RAD51B: variants seen among roughly 807,000 people sequenced by gnomAD.
RAD51B encodes DNA repair protein RAD51 homolog 2.
RAD51B carries 38 observed loss-of-function variants against 42.2 expected under a neutral mutation model. The observed-to-expected ratio is 0.90, with a 90% CI of 0.70 to 1.18. The LOEUF (loss-of-function observed/expected upper bound fraction) is 1.18. Among genes scored for constraint, RAD51B ranks in the 50% most tolerant of loss-of-function variants. The pLI is 0.00. For missense variants in RAD51B, 373 were observed against 400.7 expected (o/e 0.93, Z 0.59); for synonymous variants, 154 against 145.2 (o/e 1.06, Z -0.43).
At chr14:68,025,685 A>G (rs867623987) in intron 7 of RAD51B, among the ~76,000 whole-genome samples, 1 of 151,804 alleles carries the variant, frequency 6.6e-6, no homozygotes, top group African/African-American at 2.4e-5. Context: ...GTAGTCTCTG[A>G]GGATCTTTCG....
chr14:67,929,722 T>G (rs2044655668), intron 7 of RAD51B, among the ~76,000 whole-genome samples: 2 of 152,170 alleles, frequency 1.3e-5, no homozygotes. Flanking sequence ...TTTCTTTAGA[T>G]CTAGTAATAC....
chr14:67,969,766 T>A (rs188584687), intron 7 of RAD51B, among the ~76,000 whole-genome samples: 78 of 152,278 alleles, frequency 5.1e-4, no homozygotes, highest in African/African-American at 1.8e-3. Context: ...TGAAGCATAT[T>A]TATAATGATC....
chr14:68,401,932 T>C (rs1204910343), intron 8 of RAD51B, among the ~76,000 whole-genome samples: 5 of 152,220 alleles, frequency 3.3e-5, no homozygotes, highest in African/African-American at 9.6e-5. Context: ...CCTGAGCCAT[T>C]GCAGCTGATG....
intron 7 of RAD51B, among the ~76,000 whole-genome samples, chr14:68,207,508 A>C (rs564981187): frequency 3.3e-5 from 5 of 152,202 alleles, no homozygotes. Flanking sequence ...TTAGGAGAAA[A>C]TACATCTAGA....
intron 7 of RAD51B, among the ~76,000 whole-genome samples, chr14:68,077,959 T>C (rs2076859743): frequency 6.6e-6 from 1 of 152,062 alleles, no homozygotes; most frequent in African/African-American, 2.4e-5. Context: ...ATCTCAAAAA[T>C]ATAAAAAATA....
At chr14:68,296,405 C>G (rs73290285) in intron 8 of RAD51B, among the ~76,000 whole-genome samples, 4,224 of 152,246 alleles carry the variant, frequency 0.028, 197 homozygotes, top group African/African-American at 0.095. Flanking sequence ...GTTATTGTGA[C>G]TGTTGTGTGG....
intron 7 of RAD51B, among the ~76,000 whole-genome samples, chr14:68,212,092 A>C (rs2079722107): frequency 6.6e-6 from 1 of 152,252 alleles, no homozygotes; most frequent in African/African-American, 2.4e-5. Flanking sequence ...GGAAGGCATC[A>C]TGCCTAAGTC....
chr14:68,084,962 T>C (rs948798072), intron 7 of RAD51B, among the ~76,000 whole-genome samples: 5 of 152,224 alleles, frequency 3.3e-5, no homozygotes, highest in Non-Finnish European at 7.3e-5. Flanking sequence ...AGTGGAATTA[T>C]AAGAAATTTT....
chr14:68,377,150 G>A (rs1046919942), intron 8 of RAD51B, among the ~76,000 whole-genome samples: 1 of 152,158 alleles, frequency 6.6e-6, no homozygotes, highest in Admixed American at 6.5e-5. Flanking sequence ...TTTACTTGTG[G>A]TTGTCTAAAA....
chr14:67,865,052 G>A lies in RAD51B; in HGVS notation c.365G>A (p.Ser122Asn). Residue 122 changes from serine to asparagine, a missense_variant, in exon 5 of 11, where the codon AGC (serine) becomes AAC (asparagine). Coordinates refer to ENST00000471583, the MANE Select transcript of RAD51B (RefSeq NM_133510.4). ...CGKTQFCIMM[S>N]ILATLPTNMG... ...AAAACTCAGTTTTGTATAATGATGA[G>A]CATTTTGGCTACATTACCCACCAAC... The A allele has an allele frequency of 1.4e-6, 2 of 1,448,484 alleles. No homozygotes were observed. Among genetic ancestry groups the A allele is most frequent in the Middle Eastern group, 1.9e-4 (1 of 5,140 alleles). The allele number at this position is 1,448,484 out of a possible 1,614,324, so 89.7% of individuals were successfully genotyped here. A position where few individuals can be genotyped will look rare whatever the true frequency, so the allele number is the denominator to read the frequency against.
intron 7 of RAD51B, among the ~76,000 whole-genome samples, chr14:68,280,394 A>G (rs2081298380): frequency 6.6e-6 from 1 of 152,174 alleles, no homozygotes; most frequent in South Asian, 2.1e-4. Flanking sequence ...TTTTTATGTG[A>G]TAGACTAGAG....
At chr14:68,324,408 A>G (rs903239830) in intron 8 of RAD51B, among the ~76,000 whole-genome samples, 8 of 152,122 alleles carry the variant, frequency 5.3e-5, no homozygotes, top group African/African-American at 1.9e-4. Flanking sequence ...CTTTCCCAAT[A>G]AACTGTATGC....
In RAD51B at chr14:67,960,175, T is replaced by C. The variant is rs546763886; in HGVS notation, c.756+72971T>C. On this transcript the variant is annotated intron_variant, in intron 7 of 10. Transcript: ENST00000471583. ...ACGTTCTATGTTAAGTGTATAAATA[T>C]ACTACTTGACAGAAATAATACTGTT... Among the ~76,000 whole-genome samples the C allele has an allele frequency of 3.3e-5, 5 of 152,258 alleles. No homozygotes were observed. In the East Asian group the frequency reaches 7.7e-4, roughly 23 times the overall value.
chr14:67,939,306 G>A (rs983223853), intron 7 of RAD51B, among the ~76,000 whole-genome samples: 2 of 152,076 alleles, frequency 1.3e-5, no homozygotes, highest in Non-Finnish European at 2.9e-5. Context: ...TGTAATATGT[G>A]TCATCTTACT....
At chr14:68,148,361 A>G (rs1431818810) in intron 7 of RAD51B, among the ~76,000 whole-genome samples, 4 of 152,214 alleles carry the variant, frequency 2.6e-5, no homozygotes, top group African/African-American at 9.6e-5. Flanking sequence ...TGGAATCACT[A>G]GATTATAGGA....
chr14:68,114,734 C>A (rs1324920093), intron 7 of RAD51B, among the ~76,000 whole-genome samples: 1 of 152,094 alleles, frequency 6.6e-6, no homozygotes, highest in African/African-American at 2.4e-5. Context: ...GATGTGAGAT[C>A]ATCTGCCAGA....
chr14:67,920,131 G>A (rs917001668), intron 7 of RAD51B, among the ~76,000 whole-genome samples: 1 of 151,990 alleles, frequency 6.6e-6, no homozygotes, highest in South Asian at 2.1e-4. Flanking sequence ...GACTAGAGCG[G>A]TACAAAGGAA....
intron 7 of RAD51B, among the ~76,000 whole-genome samples, chr14:67,993,834 A>C (rs1018479130): frequency 6.6e-6 from 1 of 152,142 alleles, no homozygotes; most frequent in Non-Finnish European, 1.5e-5. Flanking sequence ...TCTCTAGTAA[A>C]CAATTATTAC....
At chr14:68,637,854 G>A (rs1401284601) in intron 10 of RAD51B, among the ~76,000 whole-genome samples, 2 of 152,182 alleles carry the variant, frequency 1.3e-5, no homozygotes, top group African/African-American at 4.8e-5. Context: ...GCAGCCTGCT[G>A]GGACCATTCA....
Sources: gnomAD v4.1 joint callset for allele counts (sites outside exome capture counted in the v4.1 genomes callset) on GRCh38, gnomAD v4.1.1 for gene constraint, MANE v1.5 for transcripts, NCBI Gene and HGNC (gene_info 2026-07-23, HGNC 2026-07-21) for gene names.